Variants in ERG observed in about 807,000 individuals in gnomAD.
ERG encodes ETS transcription factor ERG.
A neutral mutation model predicts 55.3 loss-of-function variants in ERG; 9 were observed. The observed-to-expected ratio is 0.16, with a 90% confidence interval of 0.10 to 0.28. The LOEUF (loss-of-function observed/expected upper bound fraction) is 0.28. Ranked by LOEUF, ERG falls within the 10% of genes least tolerant of loss-of-function variation. The pLI, the probability that ERG is intolerant of heterozygous loss-of-function variation, is 1.00. For synonymous variants in ERG, 223 were observed against 237.3 expected, an observed-to-expected ratio of 0.94 and a Z score of 0.55; for missense variants, 434 against 631.6, an observed-to-expected ratio of 0.69 and a Z score of 3.35.
intron 2 of ERG, among the ~76,000 whole-genome samples, chr21:38,566,902 T>G (rs1297919533): frequency 1.3e-5 from 2 of 152,142 alleles, no homozygotes; most frequent in Admixed American, 1.3e-4. Context: ...TTTAACCAAC[T>G]CCTCAGGGAA....
chr21:38,583,320 C>T (rs2060041600), intron 1 of ERG, among the ~76,000 whole-genome samples: 1 of 152,200 alleles, frequency 6.6e-6, no homozygotes, highest in Non-Finnish European at 1.5e-5. Context: ...TAAGGAGGCT[C>T]TCCCTCTCAG....
intron 2 of ERG, among the ~76,000 whole-genome samples, chr21:38,508,752 T>C (rs533800988): frequency 6.6e-6 from 1 of 152,362 alleles, no homozygotes; most frequent in East Asian, 1.9e-4. Flanking sequence ...TAACCTTCTA[T>C]AAAGTGACAT....
chr21:38,381,174 GCAA>G lies in ERG; in HGVS notation c.*2226_*2228del, dbSNP rs1243482794. ...AAAACATCCACAGCACAGAGGTTTGGCAACTTCACATAATCATAGCAAAAGGAC... is the reference window on the plus strand; with the variant it reads ...AAAACATCCACAGCACAGAGGTTTGGCTTCACATAATCATAGCAAAAGGAC... On this transcript the variant is annotated 3_prime_UTR_variant, in exon 10 of 10. Coordinates refer to ENST00000288319, the MANE Select transcript of ERG (RefSeq NM_182918.4). The G allele has an allele frequency of 2.0e-5, 21 of 1,064,934 alleles. No individual in the cohort carries two copies. Among genetic ancestry groups the G allele is most frequent in the Non-Finnish European group, 2.3e-5 (20 of 879,136 alleles). 66.0% of individuals were successfully genotyped at this position (1,064,934 alleles called of 1,614,324 possible).
At chr21:38,406,244 A>T (rs184643909) in intron 3 of ERG, among the ~76,000 whole-genome samples, 3 of 151,644 alleles carry the variant, frequency 2.0e-5, no homozygotes, top group Non-Finnish European at 1.5e-5. Context: ...ATCAACAAAA[A>T]CTCCAACGGC....
At chr21:38,528,433 C>CTTTTT (rs869069278) in intron 2 of ERG, among the ~76,000 whole-genome samples, 2,047 of 23,498 alleles carry the variant, frequency 0.087, 836 homozygotes, top group African/African-American at 0.13. Flanking sequence ...CCATAGCAAA[C>CTTTTT]TTTTTTTTTT....
At chr21:38,457,959 C>T (rs910240990) in intron 1 of ERG, among the ~76,000 whole-genome samples, 6 of 152,100 alleles carry the variant, frequency 3.9e-5, no homozygotes, top group African/African-American at 1.2e-4. Context: ...GCACTTGTCG[C>T]TATTTATTTG....
intron 1 of ERG, among the ~76,000 whole-genome samples, chr21:38,461,990 T>C (rs1482791289): frequency 6.6e-6 from 1 of 151,544 alleles, no homozygotes; most frequent in African/African-American, 2.4e-5. Context: ...TCTTTTTCTT[T>C]TTCTTTTTTG....
chr21:38,426,551 G>C (rs1434327416), intron 2 of ERG, among the ~76,000 whole-genome samples: 2 of 152,068 alleles, frequency 1.3e-5, no homozygotes, highest in South Asian at 4.1e-4. Context: ...ATCAAGTGCC[G>C]GCCGTATACC....
intron 1 of ERG, among the ~76,000 whole-genome samples, chr21:38,620,036 G>A (rs759395841): frequency 3.3e-5 from 5 of 152,152 alleles, no homozygotes; most frequent in Non-Finnish European, 5.9e-5. Flanking sequence ...CCATTGAAAC[G>A]CCACAGAACG....
rs116659326 is a variant in ERG at position 38,622,559 on chromosome 21, C to T, written c.-149-37614G>A. ...CACACCATACCACGCACATACACAC[C>T]ACGCACACATGCTCATATGTACCAC... On this transcript the variant is annotated intron_variant, in intron 1 of 10. Coordinates refer to the ERG transcript ENST00000398910. Among the ~76,000 whole-genome samples the T allele has an allele frequency of 3.6e-4, 53 of 147,032 alleles. No homozygotes were observed. In the South Asian group the frequency reaches 5.5e-3, roughly 15 times the overall value.
At chr21:38,438,905 C>T (rs569747168) in intron 2 of ERG, among the ~76,000 whole-genome samples, 4 of 152,198 alleles carry the variant, frequency 2.6e-5, no homozygotes, top group Non-Finnish European at 4.4e-5. Context: ...GGGCTGCCAC[C>T]CAGGTCTCTT....
chr21:38,445,355 G>T, intron 2 of ERG, 49 bp downstream of exon 2: 1 of 1,489,122 alleles, frequency 6.7e-7, no homozygotes, highest in Non-Finnish European at 9.3e-7. Context: ...CTTTGCAAAG[G>T]ATAGGAAAAT....
intron 1 of ERG, among the ~76,000 whole-genome samples, chr21:38,456,228 G>A (rs2058988391): frequency 6.6e-6 from 1 of 152,150 alleles, no homozygotes; most frequent in Admixed American, 6.5e-5. Context: ...ATGCATCCAG[G>A]TTAGATGCTA....
At chr21:38,459,428 A>G (rs750601956) in intron 1 of ERG, among the ~76,000 whole-genome samples, 13 of 152,256 alleles carry the variant, frequency 8.5e-5, no homozygotes, top group Non-Finnish European at 1.6e-4. Flanking sequence ...ATCCTCCAGA[A>G]CAATCTGAGG....
At chr21:38,450,986 A>G in intron 1 of ERG, 1 of 438,902 alleles carries the variant, frequency 2.3e-6, no homozygotes, top group South Asian at 1.7e-5. Context: ...TGTGTCTGTG[A>G]ATGGAATCAT....
chr21:38,485,008 C>CA (rs533967460), intron 1 of ERG, among the ~76,000 whole-genome samples: 222 of 139,866 alleles, frequency 1.6e-3, no homozygotes, highest in African/African-American at 3.0e-3. Context: ...TTTCTATTTC[C>CA]AAAAAAAAAA....
chr21:38,475,541 C>T (rs781314706), intron 1 of ERG, among the ~76,000 whole-genome samples: 6 of 152,174 alleles, frequency 3.9e-5, no homozygotes, highest in Non-Finnish European at 8.8e-5. Flanking sequence ...CCTTGGGGTC[C>T]TTGCCTTTGC....
intron 2 of ERG, among the ~76,000 whole-genome samples, chr21:38,571,200 A>T (rs1008576917): frequency 1.1e-4 from 16 of 152,156 alleles, no homozygotes; most frequent in Non-Finnish European, 2.4e-4. Flanking sequence ...GTAGATGTGC[A>T]TGATATGGTA....
At chr21:38,567,814 T>C (rs565354947) in intron 2 of ERG, among the ~76,000 whole-genome samples, 1 of 152,324 alleles carries the variant, frequency 6.6e-6, no homozygotes, top group African/African-American at 2.4e-5. Flanking sequence ...GCAAGGCAGA[T>C]TCGGGCGCTT....
Sources: allele counts gnomAD v4.1 joint callset (sites outside exome capture counted in the v4.1 genomes callset), GRCh38; gene constraint gnomAD v4.1.1; transcripts MANE v1.5; gene names NCBI Gene and HGNC (gene_info 2026-07-23, HGNC 2026-07-21).